The following IL3RA variants were observed in gnomAD, a reference collection of about 807,000 sequenced individuals.
IL3RA encodes interleukin 3 receptor subunit alpha.
A neutral mutation model predicts 52.3 loss-of-function variants in IL3RA; 73 were observed. The ratio of observed to expected loss-of-function variants is 1.40; its 90% confidence interval spans 1.16 to 1.70. The LOEUF is 1.70. Among genes scored for constraint, IL3RA ranks in the 40% most tolerant of loss-of-function variants. The pLI is 0.00. For synonymous variants in IL3RA, 260 were observed against 194.0 expected, an observed-to-expected ratio of 1.34 and a Z score of -2.83; for missense variants, 664 against 504.4, an observed-to-expected ratio of 1.32 and a Z score of -3.03.
chrX:1,366,351 G>C (rs1268253395), intron 9 of IL3RA, among the ~76,000 whole-genome samples: 1 of 46,130 alleles, frequency 2.2e-5, no homozygotes, highest in Non-Finnish European at 3.9e-5. Context: ...AGCCGGGTGC[G>C]CGGGGTGAGC....
intron 9 of IL3RA, among the ~76,000 whole-genome samples, chrX:1,366,452 CGGGTGCGCGGGGTGAGCG>C (rs2088046836): frequency 2.5e-4 from 1 of 3,968 alleles, no homozygotes; most frequent in Non-Finnish European, 4.3e-4. Context: ...CGGGGTGAGC[CGGGTGCGCGGGGTGAGCG>C]GGGTGAGCGG....
intron 2 of IL3RA, among the ~76,000 whole-genome samples, chrX:1,343,653 C>T (rs1483626985): frequency 1.7e-4 from 20 of 118,064 alleles, no homozygotes; most frequent in East Asian, 9.7e-4. Flanking sequence ...GGTGACAGAG[C>T]GAGGCTCCAT....
intron 2 of IL3RA, among the ~76,000 whole-genome samples, chrX:1,343,177 C>T (rs1338556449): frequency 6.6e-5 from 10 of 151,930 alleles, no homozygotes; most frequent in Admixed American, 6.6e-4. Context: ...AAAATAATGC[C>T]AGAAGTCTAG....
chrX:1,345,737 G>A (rs1253005110), intron 3 of IL3RA, among the ~76,000 whole-genome samples: 5 of 151,868 alleles, frequency 3.3e-5, no homozygotes, highest in South Asian at 4.2e-4. Context: ...TGATCTGCCC[G>A]CCTCGGCCTC....
intron 8 of IL3RA, among the ~76,000 whole-genome samples, chrX:1,363,370 G>C (rs1293375539): frequency 6.9e-6 from 1 of 145,742 alleles, no homozygotes; most frequent in Non-Finnish European, 1.5e-5. Context: ...GCGCAATCTC[G>C]GCTCACTGCA....
At chrX:1,382,355 G>A in intron 11 of IL3RA, 36 bp from the exon 12 acceptor site, 5 of 1,545,620 alleles carry the variant, frequency 3.2e-6, no homozygotes, top group Non-Finnish European at 4.4e-6. Context: ...TATCTGGGGG[G>A]TGGCCGACTC....
Position 1,378,719 on chromosome X carries a change from T to A in IL3RA, c.935T>A (p.Leu312Gln). Reference sequence around the variant, plus strand: ...TGGCGGACGTCGCTGCTGATCGCGCTGGGGACGCTGCTGGCCCTGGTCTGT... The same window carrying A: ...TGGCGGACGTCGCTGCTGATCGCGCAGGGGACGCTGCTGGCCCTGGTCTGT... ...RAWRTSLLIA[L>Q]GTLLALVCVF... The change falls in exon 10 of 12, where the codon CTG becomes CAG. Residue 312 changes from leucine (L) to glutamine (Q), a missense_variant. Physicochemically the swap from Leu to Gln is moderately radical, Grantham distance 113. Coordinates refer to ENST00000331035, the MANE Select transcript of IL3RA (RefSeq NM_002183.4). 6.2e-7 allele frequency: 1 copy of A among 1,612,628 alleles called. No homozygotes were observed. Among genetic ancestry groups the A allele is most frequent in the Non-Finnish European group, 8.5e-7 (1 of 1,179,844 alleles).
chrX:1,360,895 T>C (rs1480974661), intron 8 of IL3RA, among the ~76,000 whole-genome samples: 6 of 114,730 alleles, frequency 5.2e-5, no homozygotes, highest in African/African-American at 2.5e-4. Flanking sequence ...CTCTCTCCCT[T>C]CCCCTCTCTG....
chrX:1,349,488 T>G (rs2085982755), intron 4 of IL3RA, among the ~76,000 whole-genome samples: 1 of 151,264 alleles, frequency 6.6e-6, no homozygotes, highest in Non-Finnish European at 1.5e-5. Context: ...CCTTAAATAC[T>G]TTTTGTAGAG....
chrX:1,340,075 C>T (rs190618898), intron 1 of IL3RA, among the ~76,000 whole-genome samples: 13,653 of 151,362 alleles, frequency 0.09, 788 homozygotes, highest in African/African-American at 0.17. Context: ...GAGCCAAGAA[C>T]GGGCTAAACC....
Position 1,348,670 on chromosome X carries a change from C to CTT in IL3RA, c.298+127_298+128dup, listed in dbSNP as rs1215917145. ...TCTTTCTTTCTTTCTTTCTTTCTTT[C>CTT]TTTCTTTCTTTCTTTCTTTCTTTTT... On this transcript the variant is annotated intron_variant, in intron 4 of 11. Transcript: ENST00000331035. The CTT allele has an allele frequency of 9.1e-5, 42 of 460,284 alleles. 2 individuals carry two copies. Among genetic ancestry groups the CTT allele is most frequent in the African/African-American group, 6.2e-4 (13 of 20,828 alleles). 28.5% of individuals were successfully genotyped at this position (460,284 alleles called of 1,614,324 possible). A position where few individuals can be genotyped will look rare whatever the true frequency, so the allele number is the denominator to read the frequency against.
At chrX:1,349,316 G>T (rs750979869) in intron 4 of IL3RA, among the ~76,000 whole-genome samples, 3 of 151,602 alleles carry the variant, frequency 2.0e-5, no homozygotes, top group African/African-American at 7.3e-5. Context: ...CGAGTAGCTG[G>T]GATTATAGGC....
At chrX:1,347,543 C>G (rs1475846264) in intron 3 of IL3RA, among the ~76,000 whole-genome samples, 1 of 149,852 alleles carries the variant, frequency 6.7e-6, no homozygotes, top group Non-Finnish European at 1.5e-5. Flanking sequence ...TGCTTGAACC[C>G]GAGAGGTGGA....
chrX:1,356,787 G>T (rs1315944786), intron 7 of IL3RA, among the ~76,000 whole-genome samples: 8 of 150,890 alleles, frequency 5.3e-5, no homozygotes, highest in African/African-American at 2.0e-4. Context: ...AAAAAAAAAA[G>T]TTTGAGACTG....
intron 8 of IL3RA, among the ~76,000 whole-genome samples, chrX:1,364,277 A>G (rs1434846250): frequency 1.3e-5 from 2 of 151,658 alleles, no homozygotes; most frequent in Non-Finnish European, 2.9e-5. Flanking sequence ...GGATCACCGG[A>G]GGTTGGGAGT....
chrX:1,341,435 T>C (rs2085487992), intron 1 of IL3RA, among the ~76,000 whole-genome samples: 2 of 151,976 alleles, frequency 1.3e-5, no homozygotes, highest in Non-Finnish European at 2.9e-5. Context: ...CAGGCATGCA[T>C]GCAGTCCTGC....
intron 3 of IL3RA, among the ~76,000 whole-genome samples, chrX:1,347,644 A>G (rs1432148639): frequency 6.9e-6 from 1 of 144,588 alleles, no homozygotes; most frequent in Non-Finnish European, 1.5e-5. Flanking sequence ...GAAACAAAAA[A>G]CAAACAAACA....
chrX:1,382,040 G>A (rs1437654710), intron 11 of IL3RA, among the ~76,000 whole-genome samples: 1 of 151,108 alleles, frequency 6.6e-6, no homozygotes, highest in Non-Finnish European at 1.5e-5. Flanking sequence ...CACCTTCCCG[G>A]TTGAAGGTTC....
At chrX:1,379,880 C>T (rs1203421575) in intron 10 of IL3RA, among the ~76,000 whole-genome samples, 1 of 152,236 alleles carries the variant, frequency 6.6e-6, no homozygotes, top group Non-Finnish European at 1.5e-5. Flanking sequence ...CTGCCTCAGC[C>T]TCCCTGAGTA....
Sources: gnomAD v4.1 joint callset for allele counts (sites outside exome capture counted in the v4.1 genomes callset) on GRCh38, gnomAD v4.1.1 for gene constraint, MANE v1.5 for transcripts, NCBI Gene and HGNC (gene_info 2026-07-23, HGNC 2026-07-21) for gene names.